Variants in GGNBP2 observed in about 807,000 individuals in gnomAD.
GGNBP2 encodes the protein gametogenetin binding protein 2, also known as gametogenetin-binding protein 2.
In GGNBP2, 10 loss-of-function variants were observed where a neutral mutation model predicts 85.9. The ratio of observed to expected loss-of-function variants is 0.12; its 90% CI spans 0.07 to 0.20. The LOEUF is 0.20. Among genes scored for constraint, GGNBP2 ranks in the 10% least tolerant of loss-of-function variants. GGNBP2 has a pLI of 1.00. For synonymous variants in GGNBP2, 287 were observed against 285.7 expected (o/e 1.00, Z -0.05); for missense variants, 595 against 857.8 (o/e 0.69, Z 3.83).
chr17:36,562,679 T>G (rs1403552043), intron 5 of GGNBP2, among the ~76,000 whole-genome samples: 2 of 151,478 alleles, frequency 1.3e-5, no homozygotes, highest in South Asian at 4.2e-4. Context: ...TTTAAAACAT[T>G]TTATCGGCCG....
chr17:36,547,766 A>G (rs1175662555), intron 2 of GGNBP2: 2 of 152,262 alleles, frequency 1.3e-5, no homozygotes, highest in Non-Finnish European at 2.9e-5. Flanking sequence ...TCTCAAAATA[A>G]CATTTAGGAA....
chr17:36,545,422 G>GGAGA (rs2074240599), intron 1 of GGNBP2, 197 bp from the exon 2 acceptor site: 5 of 351,892 alleles, frequency 1.4e-5, no homozygotes, highest in Non-Finnish European at 2.5e-5. Context: ...CGGGCGGGCG[G>GGAGA]GAGAGAGGGA....
At chr17:36,588,332 A>T (rs1007514735) in intron 13 of GGNBP2, among the ~76,000 whole-genome samples, 1 of 151,886 alleles carries the variant, frequency 6.6e-6, no homozygotes, top group Non-Finnish European at 1.5e-5. Flanking sequence ...ATCTCGGCTA[A>T]TCGCAACCTC....
intron 2 of GGNBP2, among the ~76,000 whole-genome samples, chr17:36,554,405 T>C (rs1327984264): frequency 1.5e-5 from 2 of 132,408 alleles, no homozygotes; most frequent in Non-Finnish European, 3.1e-5. Flanking sequence ...TTCACTCTTG[T>C]TGTCCAGGCT....
At position 36,589,631 on chromosome 17, in the gene GGNBP2, C is replaced by T; in HGVS notation, c.*220C>T. On this transcript the variant is annotated 3_prime_UTR_variant, in exon 14 of 14. Coordinates refer to ENST00000613102, the MANE Select transcript of GGNBP2 (RefSeq NM_024835.5). ...CGCAGGCCTGCCATATGATTTAAGC[C>T]ATCTCTTTTCATTAAATGTTTCTCT... is the stretch of plus-strand genomic sequence containing the variant. 3.7e-6 allele frequency: 2 copies of T among 547,400 alleles called. No homozygotes were observed. The allele number at this position is 547,400 out of a possible 1,614,324, so 33.9% of individuals were successfully genotyped here.
chr17:36,545,859 A>T, intron 2 of GGNBP2, 42 bp downstream of exon 2: 3 of 1,408,196 alleles, frequency 2.1e-6, no homozygotes, highest in African/African-American at 1.4e-5. Context: ...CTCCCCTGGC[A>T]GCTGTTTCCC....
chr17:36,589,035 ACTTT>A (rs1774914395), intron 13 of GGNBP2, among the ~76,000 whole-genome samples, 169 bp from the exon 14 acceptor site: 1 of 152,296 alleles, frequency 6.6e-6, no homozygotes, highest in East Asian at 1.9e-4. Flanking sequence ...TATTCTCACT[ACTTT>A]CTTAGGCAGA....
intron 5 of GGNBP2, among the ~76,000 whole-genome samples, chr17:36,566,711 T>C (rs554274041): frequency 2.6e-5 from 4 of 152,136 alleles, no homozygotes; most frequent in African/African-American, 7.2e-5. Context: ...ATAGTTCTTA[T>C]TAATTTAGGC....
intron 5 of GGNBP2, among the ~76,000 whole-genome samples, chr17:36,566,525 T>A (rs1432211087): frequency 6.6e-6 from 1 of 151,422 alleles, no homozygotes; most frequent in Non-Finnish European, 1.5e-5. Context: ...AATAAAAAAA[T>A]AAAAATAACC....
chr17:36,554,493 A>G (rs1470757253), intron 2 of GGNBP2, among the ~76,000 whole-genome samples: 4 of 149,478 alleles, frequency 2.7e-5, no homozygotes, highest in Non-Finnish European at 4.4e-5. Context: ...TCAGCCTCCC[A>G]AGTAGCTAGG....
intron 8 of GGNBP2, among the ~76,000 whole-genome samples, chr17:36,581,006 C>T (rs186828120): frequency 1.2e-4 from 18 of 151,950 alleles, no homozygotes; most frequent in African/African-American, 4.1e-4. Context: ...ACAAAGGGAC[C>T]GGGCACGGTG....
At chr17:36,585,748 T>G in intron 10 of GGNBP2, 92 bp from the exon 11 acceptor site, 56 of 1,089,248 alleles carry the variant, frequency 5.1e-5, no homozygotes, top group Non-Finnish European at 6.7e-5. Context: ...CCATTAATTA[T>G]GAGATTTTTC....
chr17:36,568,970 G>A (rs2074495818), intron 6 of GGNBP2, among the ~76,000 whole-genome samples: 1 of 152,012 alleles, frequency 6.6e-6, no homozygotes, highest in African/African-American at 2.4e-5. Flanking sequence ...TTGCCAGGAT[G>A]GTCTCAGTCT....
In GGNBP2 at chr17:36,589,778, T is replaced by G. The variant is rs1474019504; in HGVS notation, c.*367T>G. 4.7e-6 allele frequency: 1 copy of G among 213,022 alleles called. No homozygotes were observed. Among genetic ancestry groups the G allele is most frequent in the Non-Finnish European group, 9.4e-6 (1 of 106,950 alleles). The allele number at this position is 213,022 out of a possible 1,614,324, so 13.2% of individuals were successfully genotyped here. On this transcript the variant is annotated 3_prime_UTR_variant, in exon 14 of 14. Transcript: ENST00000613102. ...AAAGTAGACATCCACTTGCAAAATG[T>G]TTGGATGTAATGTTAAAGCGCAATG...
rs945570243 is a variant in GGNBP2 at position 36,569,490 on chromosome 17, C to G, written c.641+1714C>G. Among the ~76,000 whole-genome samples the G allele has an allele frequency of 4.6e-5, 7 of 152,110 alleles. No homozygotes were observed. In the South Asian group the frequency reaches 1.2e-3, roughly 27 times the overall value. ...TACTGTTTAAATTTGTTACAAGTTG[C>G]GTTTGTGGTTGTATGTCCTTTGACT... is the stretch of plus-strand genomic sequence containing the variant. On this transcript the variant is annotated intron_variant, in intron 6 of 13. Coordinates refer to ENST00000613102, the MANE Select transcript of GGNBP2 (RefSeq NM_024835.5).
Position 36,589,602 on chromosome 17 carries a change from G to C in GGNBP2, c.*191G>C, listed in dbSNP as rs1424803228. On this transcript the variant is annotated 3_prime_UTR_variant, in exon 14 of 14. Coordinates refer to ENST00000613102, the MANE Select transcript of GGNBP2 (RefSeq NM_024835.5). The stretch of plus-strand genomic sequence containing the variant: ...TCAGGCTTGTGTCTTTAGTTGCGTG[G>C]CTGCGCAGGCCTGCCATATGATTTA... 2 of 590,566 alleles carry C rather than the reference G, an allele frequency of 3.4e-6. No homozygotes were observed. Among genetic ancestry groups the C allele is most frequent in the East Asian group, 5.6e-5 (2 of 36,006 alleles). The allele number at this position is 590,566 out of a possible 1,614,324, so 36.6% of individuals were successfully genotyped here. A position where few individuals can be genotyped will look rare whatever the true frequency, so the allele number is the denominator to read the frequency against.
chr17:36,549,500 C>T (rs756217763), intron 2 of GGNBP2, among the ~76,000 whole-genome samples: 2 of 152,198 alleles, frequency 1.3e-5, no homozygotes, highest in Non-Finnish European at 1.5e-5. Flanking sequence ...GCCACCACAC[C>T]CGGCCAAAAT....
chr17:36,553,574 G>A (rs2074331780), intron 2 of GGNBP2, among the ~76,000 whole-genome samples: 1 of 152,076 alleles, frequency 6.6e-6, no homozygotes. Flanking sequence ...GGGATATTTT[G>A]TTTTTGCCTT....
chr17:36,586,916 G>A (rs533981527), intron 12 of GGNBP2, 81 bp from the exon 13 acceptor site: 24 of 987,066 alleles, frequency 2.4e-5, no homozygotes, highest in African/African-American at 2.3e-4. Flanking sequence ...ACCGTGCCCC[G>A]CTTTTTTTTT....
Sources: allele counts gnomAD v4.1 joint callset (sites outside exome capture counted in the v4.1 genomes callset), GRCh38; gene constraint gnomAD v4.1.1; transcripts MANE v1.5; gene names NCBI Gene and HGNC (gene_info 2026-07-23, HGNC 2026-07-21).